PCDH15: variants seen among roughly 807,000 people sequenced by gnomAD.
PCDH15 encodes the protein protocadherin related 15, also known as protocadherin-15.
A neutral mutation model predicts 178.5 loss-of-function variants in PCDH15; 129 were observed. The ratio of observed to expected loss-of-function variants is 0.72; its 90% CI spans 0.63 to 0.84. The LOEUF (loss-of-function observed/expected upper bound fraction) is 0.84, where lower values mean the gene tolerates loss of function less well. Among genes scored for constraint, PCDH15 ranks in the 40% least tolerant of loss-of-function variants. The probability of loss-of-function intolerance (pLI) is 0.00; values close to 1 mark genes in which losing one functional copy is unlikely to be tolerated. For missense variants in PCDH15, 2,230 were observed against 2,099.9 expected (o/e 1.06, Z -1.21); for synonymous variants, 800 against 732.0 (o/e 1.09, Z -1.50).
At chr10:54,971,590 C>A (rs1838932355) in intron 2 of PCDH15, among the ~76,000 whole-genome samples, 1 of 152,166 alleles carries the variant, frequency 6.6e-6, no homozygotes, top group Non-Finnish European at 1.5e-5. Flanking sequence ...CCCATGAAAT[C>A]TTCAGTAGAA....
At chr10:55,061,301 G>A (rs1466092647) in intron 2 of PCDH15, among the ~76,000 whole-genome samples, 4 of 152,186 alleles carry the variant, frequency 2.6e-5, no homozygotes, top group East Asian at 3.9e-4. Flanking sequence ...ATAAGAATAT[G>A]AAAAGACATT....
intron 3 of PCDH15, among the ~76,000 whole-genome samples, chr10:54,848,984 T>C (rs1174110168): frequency 1.3e-5 from 2 of 152,214 alleles, no homozygotes; most frequent in Non-Finnish European, 2.9e-5. Flanking sequence ...GCCATTGATA[T>C]GGCCGAACAT....
chr10:54,239,549 T>C lies in PCDH15; in HGVS notation c.877-2618A>G, dbSNP rs114604603. 4.3e-3 allele frequency among the ~76,000 whole-genome samples: 649 copies of C among 151,984 alleles called. 4 individuals are homozygous for C. The highest frequency in any genetic ancestry group is 0.014 in the African/African-American group (596 of 41,506). ...TACTGAGCATGGAAGTGAGGGTAGA[T>C]GGGATAGAAAATATTTTACATAAAG... is the stretch of plus-strand genomic sequence containing the variant. On this transcript the variant is annotated intron_variant, in intron 8 of 37. Transcript: ENST00000644397.
intron 2 of PCDH15, among the ~76,000 whole-genome samples, chr10:55,467,671 G>C (rs1396248857): frequency 1.3e-5 from 2 of 151,850 alleles, no homozygotes; most frequent in Non-Finnish European, 2.9e-5. Context: ...GTTTGACTAA[G>C]AATTAAAAGT....
At chr10:54,877,982 A>C in intron 3 of PCDH15, among the ~76,000 whole-genome samples, 1 of 81,658 alleles carries the variant, frequency 1.2e-5, no homozygotes. Context: ...TTTTTTGTTG[A>C]AGTGGAGTCT....
chr10:54,706,223 A>G (rs2095363445), intron 1 of PCDH15, among the ~76,000 whole-genome samples: 1 of 152,192 alleles, frequency 6.6e-6, no homozygotes, highest in Non-Finnish European at 1.5e-5. Context: ...TGAAATATGT[A>G]CATTTAAATT....
intron 2 of PCDH15, among the ~76,000 whole-genome samples, chr10:54,977,060 G>A (rs1564681848): frequency 6.6e-6 from 1 of 152,100 alleles, no homozygotes; most frequent in Non-Finnish European, 1.5e-5. Flanking sequence ...ATGATTCACT[G>A]GTAACTTGCA....
intron 2 of PCDH15, among the ~76,000 whole-genome samples, chr10:55,352,311 T>A (rs1425801067): frequency 2.0e-5 from 3 of 152,142 alleles, no homozygotes; most frequent in African/African-American, 7.2e-5. Context: ...ATTTGAGTGA[T>A]TTTCTTATTC....
intron 2 of PCDH15, among the ~76,000 whole-genome samples, chr10:55,078,758 C>G (rs1414860298): frequency 6.6e-6 from 1 of 152,068 alleles, no homozygotes; most frequent in Middle Eastern, 3.4e-3. Flanking sequence ...AATACGTAGT[C>G]TTTTATCCCT....
chr10:54,429,027 C>A, intron 3 of PCDH15, among the ~76,000 whole-genome samples: 1 of 152,006 alleles, frequency 6.6e-6, no homozygotes, highest in Middle Eastern at 3.2e-3. Context: ...AAACACTGAA[C>A]AGTGTAGCAC....
intron 6 of PCDH15, among the ~76,000 whole-genome samples, chr10:54,330,896 C>T (rs1939388644): frequency 1.3e-5 from 2 of 151,660 alleles, no homozygotes; most frequent in African/African-American, 4.8e-5. Flanking sequence ...GTTCAGTTGC[C>T]TTGTGTATTT....
At chr10:55,529,448 T>G (rs569216834) in intron 2 of PCDH15, among the ~76,000 whole-genome samples, 1 of 151,962 alleles carries the variant, frequency 6.6e-6, no homozygotes, top group Non-Finnish European at 1.5e-5. Flanking sequence ...ATTCCAGTTC[T>G]CAATAAATCC....
At chr10:55,421,021 T>G (rs1838607714) in intron 2 of PCDH15, among the ~76,000 whole-genome samples, 1 of 151,722 alleles carries the variant, frequency 6.6e-6, no homozygotes, top group Admixed American at 6.6e-5. Context: ...ACAAAGTTTT[T>G]GAGCTAAAAA....
chr10:55,111,967 A>C (rs995176956), intron 2 of PCDH15, among the ~76,000 whole-genome samples: 6 of 152,256 alleles, frequency 3.9e-5, no homozygotes, highest in African/African-American at 1.4e-4. Flanking sequence ...ATAATAATAC[A>C]TAATAGTATA....
intron 8 of PCDH15, among the ~76,000 whole-genome samples, chr10:54,259,176 G>T (rs2057135833): frequency 6.6e-6 from 1 of 152,188 alleles, no homozygotes; most frequent in African/African-American, 2.4e-5. Context: ...GTAATAAATT[G>T]CATGGCATTT....
chr10:53,833,264 T>G (rs1459533325), intron 29 of PCDH15, among the ~76,000 whole-genome samples: 1 of 152,020 alleles, frequency 6.6e-6, no homozygotes, highest in Non-Finnish European at 1.5e-5. Flanking sequence ...ATTCCTGGAT[T>G]TCATATCCAA....
chr10:54,598,705 T>A (rs2092361822), intron 2 of PCDH15, among the ~76,000 whole-genome samples: 3 of 152,114 alleles, frequency 2.0e-5, no homozygotes, highest in Non-Finnish European at 4.4e-5. Flanking sequence ...GCAGATGAAA[T>A]GATTCTATAT....
At chr10:53,826,450 G>C (rs751540377) in intron 32 of PCDH15, among the ~76,000 whole-genome samples, 51 of 151,932 alleles carry the variant, frequency 3.4e-4, no homozygotes, top group Non-Finnish European at 5.7e-4. Context: ...ACTAGTAACT[G>C]ATACGGATGT....
At chr10:54,893,746 C>T in intron 3 of PCDH15, among the ~76,000 whole-genome samples, 1 of 151,916 alleles carries the variant, frequency 6.6e-6, no homozygotes, top group East Asian at 1.9e-4. Flanking sequence ...TATAATAATT[C>T]ATACTTATGA....
Sources: gnomAD v4.1 joint callset for allele counts (sites outside exome capture counted in the v4.1 genomes callset) on GRCh38, gnomAD v4.1.1 for gene constraint, MANE v1.5 for transcripts, NCBI Gene and HGNC (gene_info 2026-07-23, HGNC 2026-07-21) for gene names.